TELO2: variants seen among roughly 807,000 people sequenced by gnomAD.
TELO2 encodes telomere length regulation protein TEL2 homolog.
Under a neutral mutation model 91.0 loss-of-function variants are expected in TELO2, and 71 were observed. The ratio of observed to expected loss-of-function variants is 0.78; its 90% CI spans 0.64 to 0.95. TELO2 has a LOEUF of 0.95. Among genes scored for constraint, TELO2 ranks in the 40% least tolerant of loss-of-function variants. The pLI, the probability that TELO2 is intolerant of heterozygous loss-of-function variation, is 0.00. For missense variants in TELO2, 1,183 were observed against 1,141.3 expected (o/e 1.04, Z -0.53); for synonymous variants, 584 against 518.9 (o/e 1.13, Z -1.71).
chr16:1,508,016 A>ACC (rs1200660895), intron 20 of TELO2, among the ~76,000 whole-genome samples: 1 of 150,484 alleles, frequency 6.6e-6, no homozygotes, highest in Non-Finnish European at 1.5e-5. Flanking sequence ...AGGTGCAGCC[A>ACC]CCCCAGCACT....
rs1440372330 is a variant in TELO2 at position 1,494,620 on chromosome 16, A to G, written c.335+4A>G. ...AGACCATCGAGGGTGCTGCGGGGTGAGTGGGCTGGGCCCATCCTGGGGTTG... is the reference window on the plus strand; with the variant it reads ...AGACCATCGAGGGTGCTGCGGGGTGGGTGGGCTGGGCCCATCCTGGGGTTG... On this transcript the variant is annotated splice_donor_region_variant and intron_variant, in intron 2 of 20. Transcript: ENST00000262319. This position sits in a 1 kb window ranked among gnomAD's most constrained non-coding sequence, Gnocchi z 5.6. 6.2e-7 allele frequency: 1 copy of G among 1,609,760 alleles called. No homozygotes were observed. The highest frequency in any genetic ancestry group is 1.1e-5 in the South Asian group (1 of 90,856).
chr16:1,495,274 G>C, intron 2 of TELO2, 72 bp from the exon 3 acceptor site: 1 of 1,481,580 alleles, frequency 6.7e-7, no homozygotes, highest in South Asian at 1.3e-5. Context: ...CCGGGCTGCT[G>C]GTTCCTTGTG....
chr16:1,507,791 TGAGAGA>T, intron 20 of TELO2, 75 bp downstream of exon 20: 1 of 946,614 alleles, frequency 1.1e-6, no homozygotes, highest in Non-Finnish European at 1.4e-6. Context: ...TGTGTGTGTG[TGAGAGA>T]TGTGTCGGCC....
Position 1,494,651 on chromosome 16 carries a change from A to C in TELO2, c.335+35A>C. 4.4e-6 allele frequency: 7 copies of C among 1,580,034 alleles called. No homozygotes were observed. The highest frequency in any genetic ancestry group is 6.0e-6 in the Non-Finnish European group (7 of 1,162,080). On this transcript the variant is annotated intron_variant, in intron 2 of 20. Coordinates refer to ENST00000262319, the MANE Select transcript of TELO2 (RefSeq NM_016111.4). The surrounding 1 kb of genome is among the most constrained non-coding windows in gnomAD (Gnocchi z 5.6). ...CTGGGCCCATCCTGGGGTTGCCGGT[A>C]GCCTCAGAAGTGATGAGAGTGGCTT...
chr16:1,509,705 A>G (rs2040061559), intron 20 of TELO2, 125 bp from the exon 21 acceptor site: 1 of 836,564 alleles, frequency 1.2e-6, no homozygotes, highest in East Asian at 2.7e-5. Flanking sequence ...GTCACTGCAG[A>G]CCCGAGCCCC....
chr16:1,498,120 T>G (rs2039558504), intron 5 of TELO2, among the ~76,000 whole-genome samples: 1 of 152,048 alleles, frequency 6.6e-6, no homozygotes, highest in Non-Finnish European at 1.5e-5. Flanking sequence ...GTTCAAGTGA[T>G]TCTCCTGCCT....
Position 1,499,245 on chromosome 16 carries a change from C to A in TELO2, c.845C>A (p.Ser282Ter), listed in dbSNP as rs1200219699. 3.1e-6 allele frequency: 5 copies of A among 1,613,866 alleles called. No individual in the cohort carries two copies. Among genetic ancestry groups the A allele is most frequent in the Non-Finnish European group, 4.2e-6 (5 of 1,180,012 alleles). The change falls in exon 6 of 21, where the codon TCG (serine) becomes TAG (stop). Residue 282 changes from serine to a stop codon, truncating the protein, a stop_gained. Transcript: ENST00000262319. LOFTEE classifies it high-confidence loss of function. ...CTGTCTTGCAGGCCTGAGGTCCTTT[C>A]GAGACTGCTGGGGAACCTGGTGGTG... ...VEAALGPEVL[S>*]RLLGNLVVKN...
At chr16:1,501,954 C>T (rs1567300470) in intron 11 of TELO2, 93 bp from the exon 12 acceptor site, 13 of 1,561,532 alleles carry the variant, frequency 8.3e-6, no homozygotes, top group African/African-American at 4.1e-5. Context: ...GCGTGAGCTC[C>T]GCATCTTGGG....
At position 1,497,571 on chromosome 16, in the gene TELO2, C is replaced by G; in HGVS notation, c.830+63C>G. On this transcript the variant is annotated intron_variant, in intron 5 of 20. Transcript: ENST00000262319. The surrounding 1 kb of genome is among the most constrained non-coding windows in gnomAD (Gnocchi z 4.0). ...TGGGGTCTGGACCCCCAGAGGCTGCCATTCCTTCACGCTACTTCTCCTGGG... is the reference window on the plus strand; with the variant it reads ...TGGGGTCTGGACCCCCAGAGGCTGCGATTCCTTCACGCTACTTCTCCTGGG... The G allele has an allele frequency of 6.7e-7, 1 of 1,487,698 alleles. No homozygotes were observed. The highest frequency in any genetic ancestry group is 8.9e-7 in the Non-Finnish European group (1 of 1,117,566). 92.2% of individuals were successfully genotyped at this position (1,487,698 alleles called of 1,614,324 possible).
intron 20 of TELO2, 30 bp downstream of exon 20, chr16:1,507,746 GAT>G (rs1296928106): frequency 1.3e-6 from 2 of 1,576,452 alleles, no homozygotes; most frequent in Non-Finnish European, 1.7e-6. Flanking sequence ...GTGTGTGTGA[GAT>G]GTGTGTCGGC....
In TELO2 at chr16:1,495,333, C is replaced by A; in HGVS notation, c.336-13C>A. 1 of 1,533,222 alleles carries A rather than the reference C, an allele frequency of 6.5e-7. No individual in the cohort carries two copies. The highest frequency in any genetic ancestry group is 8.8e-7 in the Non-Finnish European group (1 of 1,135,038). The allele number at this position is 1,533,222 out of a possible 1,614,324, so 95.0% of individuals were successfully genotyped here. A position where few individuals can be genotyped will look rare whatever the true frequency, so the allele number is the denominator to read the frequency against. On this transcript the variant is annotated splice_polypyrimidine_tract_variant and intron_variant, in intron 2 of 20. Transcript: ENST00000262319. ...GGGGTTGGCGGCTCTGCCCAACACGCCCGTATCTTCAGCCCCAGCTTCCGG... is the reference window on the plus strand; with the variant it reads ...GGGGTTGGCGGCTCTGCCCAACACGACCGTATCTTCAGCCCCAGCTTCCGG...
At chr16:1,509,181 A>AG (rs1300928043) in intron 20 of TELO2, among the ~76,000 whole-genome samples, 1 of 152,128 alleles carries the variant, frequency 6.6e-6, no homozygotes, top group African/African-American at 2.4e-5. Context: ...CAGGAGGAGC[A>AG]GGGGGGCCCT....
intron 3 of TELO2, among the ~76,000 whole-genome samples, chr16:1,496,112 C>G (rs1456887719): frequency 6.6e-6 from 1 of 152,250 alleles, no homozygotes; most frequent in Non-Finnish European, 1.5e-5. Context: ...GCGTCTGCCT[C>G]TCCCTGCAGG....
intron 12 of TELO2, 89 bp downstream of exon 12, chr16:1,502,224 C>T: frequency 6.3e-7 from 1 of 1,580,986 alleles, no homozygotes; most frequent in East Asian, 2.3e-5. Context: ...CCGGGAAGCC[C>T]TGGGCCCGGG....
chr16:1,508,627 C>CT (rs1259194303), intron 20 of TELO2, among the ~76,000 whole-genome samples: 4 of 152,196 alleles, frequency 2.6e-5, no homozygotes, highest in Admixed American at 2.6e-4. Flanking sequence ...GTGAGGTCAC[C>CT]TTTCCTTTCC....
In TELO2 at chr16:1,508,583, C is replaced by T. The variant is rs1025646859; in HGVS notation, c.2407+867C>T. The stretch of plus-strand genomic sequence containing the variant: ...TCCTTCCCAGGGACTTGTGCTCAGA[C>T]CTCTGTGCTGGGGGGCGCTGGGGGA... On this transcript the variant is annotated intron_variant, in intron 20 of 20. Transcript: ENST00000262319. Among the ~76,000 whole-genome samples the T allele has an allele frequency of 4.6e-5, 7 of 152,298 alleles. No homozygotes were observed. The South Asian group carries it at 1.2e-3, about 27-fold the overall frequency.
At chr16:1,502,823 G>T in intron 14 of TELO2, 62 bp downstream of exon 14, 1 of 1,601,478 alleles carries the variant, frequency 6.2e-7, no homozygotes. Context: ...TGGGAGCTGC[G>T]GTGCCTGAGT....
Position 1,510,062 on chromosome 16 carries a change from G to A in TELO2, c.*126G>A, listed in dbSNP as rs1382096906. Reference sequence around the variant, plus strand: ...TTCGGCCGCATCCGGTACGGAGAGTGCAGATGCAGGAAGGCCCGGCCTGCC... The same window carrying A: ...TTCGGCCGCATCCGGTACGGAGAGTACAGATGCAGGAAGGCCCGGCCTGCC... On this transcript the variant is annotated 3_prime_UTR_variant, in exon 21 of 21. Coordinates refer to ENST00000262319, the MANE Select transcript of TELO2 (RefSeq NM_016111.4). 1.0e-5 allele frequency: 8 copies of A among 770,736 alleles called. No individual in the cohort carries two copies. The East Asian group carries it at 1.1e-4, about 10-fold the overall frequency. The allele number at this position is 770,736 out of a possible 1,614,324, so 47.7% of individuals were successfully genotyped here.
intron 6 of TELO2, among the ~76,000 whole-genome samples, chr16:1,499,886 A>G (rs1291227943): frequency 1.3e-5 from 2 of 152,210 alleles, no homozygotes; most frequent in African/African-American, 4.8e-5. Flanking sequence ...AGTTCAAAGG[A>G]ATAGAGGCGG....
Sources: gnomAD v4.1 joint callset for allele counts (sites outside exome capture counted in the v4.1 genomes callset) on GRCh38, gnomAD v4.1.1 for gene constraint, Gnocchi (gnomAD v3.1) non-coding constraint, MANE v1.5 for transcripts, NCBI Gene and HGNC (gene_info 2026-07-23, HGNC 2026-07-21) for gene names.